The following UNC13C variants were observed in gnomAD, a reference collection of about 807,000 sequenced individuals.
UNC13C encodes the protein unc-13 homolog C.
Under a neutral mutation model 245.4 loss-of-function variants are expected in UNC13C, and 174 were observed. That is an observed-to-expected ratio of 0.71 (90% CI 0.63 to 0.80). The LOEUF is 0.80. Ranked by LOEUF, UNC13C falls within the 30% of genes least tolerant of loss-of-function variation. UNC13C has a pLI of 0.00. For synonymous variants in UNC13C, 992 were observed against 895.1 expected (o/e 1.11, Z -1.93); for missense variants, 2,829 against 2,602.9 (o/e 1.09, Z -1.89).
intron 17 of UNC13C, among the ~76,000 whole-genome samples, chr15:54,382,962 C>A (rs2140902327): frequency 6.6e-6 from 1 of 152,144 alleles, no homozygotes; most frequent in African/African-American, 2.4e-5. Context: ...TGAATAGATT[C>A]TTGGAAGCAT....
intron 8 of UNC13C, among the ~76,000 whole-genome samples, chr15:54,250,749 C>CTTTTTTTTTTTTTTTTTTTTTTTTTTT (rs1296024773): frequency 4.5e-5 from 4 of 88,870 alleles, no homozygotes; most frequent in Admixed American, 1.5e-4. Flanking sequence ...TTCTTTCTTT[C>CTTTTTTTTTTTTTTTTTTTTTTTTTTT]TTTTTTTTTT....
intron 4 of UNC13C, among the ~76,000 whole-genome samples, chr15:54,153,998 T>G (rs1260507992): frequency 6.6e-6 from 1 of 152,102 alleles, no homozygotes; most frequent in Admixed American, 6.5e-5. Context: ...TAAACCAGGG[T>G]AATTGAAATA....
intron 30 of UNC13C, among the ~76,000 whole-genome samples, chr15:54,599,689 A>T (rs1403905985): frequency 1.3e-5 from 2 of 152,088 alleles, no homozygotes; most frequent in Non-Finnish European, 2.9e-5. Context: ...TCCTTTAAGT[A>T]GCCTACTTCA....
the UNC13C span, among the ~76,000 whole-genome samples, chr15:53,850,776 G>T: frequency 6.7e-6 from 1 of 149,976 alleles, no homozygotes; most frequent in Admixed American, 6.6e-5. Flanking sequence ...CTTCTTTCCT[G>T]TTCTCTCTTC....
chr15:54,012,851 C>A lies in UNC13C; in HGVS notation c.-53C>A. On this transcript the variant is annotated 5_prime_UTR_variant, in exon 2 of 33. Coordinates refer to ENST00000260323, the MANE Select transcript of UNC13C (RefSeq NM_001080534.3). Reference sequence around the variant, plus strand: ...TTGCCTTGGATTTTCAGGTTTTCATCCTGATACTTGTTTACTTTTCTGGGG... The same window carrying A: ...TTGCCTTGGATTTTCAGGTTTTCATACTGATACTTGTTTACTTTTCTGGGG... 1 of 1,398,210 alleles carries A rather than the reference C, an allele frequency of 7.2e-7. No homozygotes were observed. The highest frequency in any genetic ancestry group is 9.8e-7 in the Non-Finnish European group (1 of 1,023,450). 86.6% of individuals were successfully genotyped at this position (1,398,210 alleles called of 1,614,324 possible).
intron 17 of UNC13C, among the ~76,000 whole-genome samples, chr15:54,363,991 A>G (rs1385962369): frequency 6.6e-6 from 1 of 152,234 alleles, no homozygotes; most frequent in African/African-American, 2.4e-5. Flanking sequence ...TTAAAAATTC[A>G]TGGTTTTCTT....
chr15:54,276,138 G>A (rs142156790), intron 10 of UNC13C, among the ~76,000 whole-genome samples: 2 of 152,210 alleles, frequency 1.3e-5, no homozygotes, highest in East Asian at 3.9e-4. Flanking sequence ...GAAAGGAAAG[G>A]ATGAGAGGAA....
chr15:54,476,905 G>T (rs1892777764), intron 19 of UNC13C, among the ~76,000 whole-genome samples: 1 of 150,706 alleles, frequency 6.6e-6, no homozygotes, highest in Admixed American at 6.6e-5. Flanking sequence ...GGGCAGTACG[G>T]CCATTTTCAT....
upstream of UNC13C, chr15:53,976,785 G>A (rs986545389): frequency 6.6e-6 from 1 of 151,948 alleles, no homozygotes; most frequent in African/African-American, 2.4e-5. Flanking sequence ...TGGGTGCTAG[G>A]GTCTCTCAGC....
At chr15:53,841,500 C>T in the UNC13C span, among the ~76,000 whole-genome samples, 8 of 151,918 alleles carry the variant, frequency 5.3e-5, no homozygotes, top group East Asian at 1.9e-4. Flanking sequence ...ACAAATCTGC[C>T]GGCAACTAAT....
chr15:54,119,759 G>A (rs1376100377), intron 2 of UNC13C, among the ~76,000 whole-genome samples: 1 of 152,274 alleles, frequency 6.6e-6, no homozygotes, highest in East Asian at 1.9e-4. Flanking sequence ...TACTACTTCA[G>A]TGAATACACA....
At chr15:54,478,441 G>T (rs1355973784) in intron 19 of UNC13C, among the ~76,000 whole-genome samples, 2 of 139,634 alleles carry the variant, frequency 1.4e-5, no homozygotes, top group Non-Finnish European at 1.6e-5. Flanking sequence ...TTCTCTTGTG[G>T]GCATTTAGTG....
intron 4 of UNC13C, among the ~76,000 whole-genome samples, chr15:54,193,395 A>G (rs1356523580): frequency 6.6e-6 from 1 of 152,144 alleles, no homozygotes; most frequent in Non-Finnish European, 1.5e-5. Flanking sequence ...ACATCTCCTC[A>G]TTTAGGAAAT....
chr15:54,610,364 A>G (rs1900018606), intron 30 of UNC13C, among the ~76,000 whole-genome samples: 1 of 151,866 alleles, frequency 6.6e-6, no homozygotes, highest in Admixed American at 6.6e-5. Context: ...CCTCCCTAGT[A>G]TCTGGAATTA....
intron 30 of UNC13C, among the ~76,000 whole-genome samples, chr15:54,570,309 T>C (rs1480248597): frequency 6.6e-6 from 1 of 152,190 alleles, no homozygotes; most frequent in Non-Finnish European, 1.5e-5. Flanking sequence ...GCAAGTAAGC[T>C]AAAGCCCACC....
At chr15:54,123,157 T>C (rs997143375) in intron 2 of UNC13C, among the ~76,000 whole-genome samples, 1 of 151,970 alleles carries the variant, frequency 6.6e-6, no homozygotes, top group African/African-American at 2.4e-5. Flanking sequence ...TTTGTCATGG[T>C]ATCTTATGGT....
chr15:54,019,233 T>C (rs1895791758), intron 2 of UNC13C, among the ~76,000 whole-genome samples: 1 of 152,214 alleles, frequency 6.6e-6, no homozygotes, highest in Non-Finnish European at 1.5e-5. Flanking sequence ...GATTGTTACT[T>C]TGGCTATTTA....
chr15:54,561,252 A>T (rs1897287672), intron 29 of UNC13C, among the ~76,000 whole-genome samples: 1 of 151,992 alleles, frequency 6.6e-6, no homozygotes, highest in South Asian at 2.1e-4. Flanking sequence ...TCTAGTCCAG[A>T]TTAAAAGCTG....
At chr15:53,986,826 A>G (rs1464253599) in intron 1 of UNC13C, among the ~76,000 whole-genome samples, 1 of 152,046 alleles carries the variant, frequency 6.6e-6, no homozygotes, top group African/African-American at 2.4e-5. Context: ...AGCCTGTTAT[A>G]TGTTAATGCA....
Sources: allele counts gnomAD v4.1 joint callset (sites outside exome capture counted in the v4.1 genomes callset), GRCh38; gene constraint gnomAD v4.1.1; transcripts MANE v1.5; gene names NCBI Gene and HGNC (gene_info 2026-07-23, HGNC 2026-07-21).